DST: variants seen among roughly 807,000 people sequenced by gnomAD.
DST encodes bullous pemphigoid antigen.
A neutral mutation model predicts 875.2 loss-of-function variants in DST; 253 were observed. That is an observed-to-expected ratio of 0.29 (90% CI 0.26 to 0.32). DST has a LOEUF of 0.32. DST is among the 10% of genes least tolerant of loss of function. The probability of loss-of-function intolerance (pLI) is 1.00; values close to 1 mark genes in which losing one functional copy is unlikely to be tolerated. For synonymous variants in DST, 3,124 were observed against 3,197.1 expected, an observed-to-expected ratio of 0.98 and a Z score of 0.77; for missense variants, 8,287 against 9,111.6, an observed-to-expected ratio of 0.91 and a Z score of 3.68.
chr6:56,485,066 T>TA (rs886402877), intron 88 of DST: 18 of 405,980 alleles, frequency 4.4e-5, no homozygotes, highest in Non-Finnish European at 7.4e-5. Context: ...TTCCAAGTTC[T>TA]AAAAAGGTTT....
chr6:56,774,550 G>C (rs897397480), intron 4 of DST, among the ~76,000 whole-genome samples: 1 of 151,988 alleles, frequency 6.6e-6, no homozygotes, highest in African/African-American at 2.4e-5. Flanking sequence ...CTTTGAACCT[G>C]GTATGTTTAT....
At chr6:56,930,281 T>C (rs73463737) in intron 2 of DST, among the ~76,000 whole-genome samples, 2,928 of 152,296 alleles carry the variant, frequency 0.019, 93 homozygotes, top group African/African-American at 0.066. Flanking sequence ...TAGATTCCAG[T>C]TGTTGAAAAG....
chr6:56,751,643 C>T (rs2152952597), intron 4 of DST, among the ~76,000 whole-genome samples: 1 of 152,332 alleles, frequency 6.6e-6, no homozygotes, highest in South Asian at 2.1e-4. Context: ...TAATAAGCCA[C>T]TGGGTTCCCT....
intron 49 of DST, among the ~76,000 whole-genome samples, chr6:56,579,976 A>G (rs1488948415): frequency 6.6e-6 from 1 of 152,184 alleles, no homozygotes; most frequent in Non-Finnish European, 1.5e-5. Flanking sequence ...AGTGAGGACT[A>G]CTGAAGGCCA....
At chr6:56,521,606 A>C (rs1291648306) in intron 69 of DST, among the ~76,000 whole-genome samples, 1 of 29,234 alleles carries the variant, frequency 3.4e-5, no homozygotes, top group East Asian at 1.2e-3. Context: ...CTAAGGAAAA[A>C]AAAAAAAAAA....
intron 4 of DST, among the ~76,000 whole-genome samples, chr6:56,767,529 A>T (rs533345024): frequency 1.3e-4 from 20 of 152,080 alleles, no homozygotes; most frequent in Non-Finnish European, 2.5e-4. Context: ...AGATACGAGA[A>T]TTGCTTGAAC....
chr6:56,796,778 G>A (rs2099740352), intron 4 of DST, among the ~76,000 whole-genome samples: 1 of 151,848 alleles, frequency 6.6e-6, no homozygotes, highest in Admixed American at 6.6e-5. Flanking sequence ...CAAGGAAGGA[G>A]GGAGAGAAGG....
intron 9 of DST, among the ~76,000 whole-genome samples, chr6:56,674,009 A>G (rs569505383): frequency 2.0e-5 from 3 of 152,238 alleles, no homozygotes; most frequent in Admixed American, 2.0e-4. Context: ...ATAAAAAATA[A>G]GTTAAATGCT....
intron 93 of DST, 59 bp downstream of exon 93, chr6:56,473,814 A>G (rs1319553668): frequency 4.6e-6 from 7 of 1,522,830 alleles, no homozygotes; most frequent in African/African-American, 4.2e-5. Flanking sequence ...ATAATTCAAA[A>G]TAAAAGAAAA....
chr6:56,678,993 C>T (rs2099144117), intron 9 of DST, among the ~76,000 whole-genome samples: 1 of 152,168 alleles, frequency 6.6e-6, no homozygotes, highest in South Asian at 2.1e-4. Flanking sequence ...ACTGCTCATT[C>T]CCTGGGCTCT....
rs1233712856 is a variant in DST, at chr6:56,827,395, T to C, written c.625+24002A>G. ...CAGGCGTGGTGGTGTGTGCCTGCAA[T>C]CCCAGCTACTCAGGAAGCTGAGAAT... On this transcript the variant is annotated intron_variant, in intron 4 of 103. Coordinates refer to ENST00000680361, the MANE Select transcript of DST (RefSeq NM_001374736.1). 2.0e-5 allele frequency among the ~76,000 whole-genome samples: 3 copies of C among 148,660 alleles called. No homozygotes were observed. The East Asian group carries it at 6.0e-4, about 30-fold the overall frequency.
chr6:56,954,597 G>C lies in DST; in HGVS notation c.-10C>G. 7.4e-7 allele frequency: 1 copy of C among 1,343,698 alleles called. No homozygotes were observed. Among genetic ancestry groups the C allele is most frequent in the Non-Finnish European group, 9.9e-7 (1 of 1,010,430 alleles). The allele number at this position is 1,343,698 out of a possible 1,614,324, so 83.2% of individuals were successfully genotyped here. On this transcript the variant is annotated 5_prime_UTR_variant, in exon 1 of 104. Coordinates refer to ENST00000680361, the MANE Select transcript of DST (RefSeq NM_001374736.1). The stretch of plus-strand genomic sequence containing the variant: ...AAGCCGCGGCGATCATGGTGCGGGC[G>C]AGGCGAGGGCGACTCGACGGCGGGG...
chr6:56,607,115 A>G lies in DST; in HGVS notation c.7513T>C (p.Tyr2505His), dbSNP rs1466923924. 1.2e-6 allele frequency: 2 copies of G among 1,613,228 alleles called. No homozygotes were observed. Among genetic ancestry groups the G allele is most frequent in the African/African-American group, 2.7e-5 (2 of 74,890 alleles). The part of the protein sequence containing the change: ...AINISLPGEQ[Y>H]GQKSLNMISS... ...ATCATATTTAAAGATTTCTGTCCAT[A>G]CTGCTCTCCTGGTAAACTGATGTTA... Residue 2505 changes from tyrosine (Y) to histidine (H), a missense_variant, in exon 40 of 104, where the codon TAT becomes CAT. Tyr to His is a moderately conservative substitution (Grantham distance 83, BLOSUM62 2). Transcript: ENST00000680361.
At chr6:56,497,172 A>C (rs1481691334) in intron 82 of DST, among the ~76,000 whole-genome samples, 2 of 152,106 alleles carry the variant, frequency 1.3e-5, no homozygotes, top group African/African-American at 4.8e-5. Context: ...AATAATAATA[A>C]AATTAAAAAA....
At chr6:56,680,265 T>C (rs911634470) in intron 9 of DST, among the ~76,000 whole-genome samples, 1 of 152,186 alleles carries the variant, frequency 6.6e-6, no homozygotes, top group Non-Finnish European at 1.5e-5. Context: ...AGTGAGGGAA[T>C]TCTTGTTCAT....
At chr6:56,656,769 A>G (rs1168421677) in intron 10 of DST, among the ~76,000 whole-genome samples, 1 of 152,234 alleles carries the variant, frequency 6.6e-6, no homozygotes, top group East Asian at 1.9e-4. Flanking sequence ...TACATAATAA[A>G]GAAAATACAG....
At chr6:56,906,289 G>A (rs1796391189) in intron 2 of DST, among the ~76,000 whole-genome samples, 1 of 152,140 alleles carries the variant, frequency 6.6e-6, no homozygotes, top group African/African-American at 2.4e-5. Context: ...AAAGTCCTCA[G>A]TCAGATTTTC....
intron 36 of DST, chr6:56,615,769 T>C (rs1206540554): frequency 4.3e-6 from 7 of 1,614,104 alleles, no homozygotes; most frequent in Non-Finnish European, 5.9e-6. Context: ...CCTGTGGCTC[T>C]ATCAACCCTC....
chr6:56,458,751 C>T lies in DST; in HGVS notation c.*254G>A, dbSNP rs2094178451. 9.3e-6 allele frequency: 3 copies of T among 323,702 alleles called. No homozygotes were observed. Among genetic ancestry groups the T allele is most frequent in the Admixed American group, 4.6e-5 (1 of 21,976 alleles). 20.1% of individuals were successfully genotyped at this position (323,702 alleles called of 1,614,324 possible). A position where few individuals can be genotyped will look rare whatever the true frequency, so the allele number is the denominator to read the frequency against. ...ACAGTAACTGAGTTTAGTGTGTGCC[C>T]GGCACGTTACAGTGCAGAAATGTTA... On this transcript the variant is annotated 3_prime_UTR_variant, in exon 104 of 104. Transcript: ENST00000680361.
Sources: allele counts gnomAD v4.1 joint callset (sites outside exome capture counted in the v4.1 genomes callset), GRCh38; gene constraint gnomAD v4.1.1; transcripts MANE v1.5; gene names NCBI Gene and HGNC (gene_info 2026-07-23, HGNC 2026-07-21).